The following PTPRD variants were observed in gnomAD, a reference collection of about 807,000 sequenced individuals.
PTPRD encodes protein tyrosine phosphatase receptor type D, also known as receptor-type tyrosine-protein phosphatase delta.
A neutral mutation model predicts 214.5 loss-of-function variants in PTPRD; 34 were observed. The observed-to-expected ratio is 0.16, with a 90% confidence interval of 0.12 to 0.21. The LOEUF (loss-of-function observed/expected upper bound fraction) is 0.21, where lower values mean the gene tolerates loss of function less well. Ranked by LOEUF, PTPRD falls within the 10% of genes least tolerant of loss-of-function variation. The pLI is 1.00. For missense variants in PTPRD, 2,545 were observed against 2,398.7 expected, an observed-to-expected ratio of 1.06 and a Z score of -1.27; for synonymous variants, 1,128 against 845.7, an observed-to-expected ratio of 1.33 and a Z score of -5.79.
At chr9:8,579,477 T>A (rs2092823798) in intron 14 of PTPRD, among the ~76,000 whole-genome samples, 1 of 152,198 alleles carries the variant, frequency 6.6e-6, no homozygotes, top group Non-Finnish European at 1.5e-5. Flanking sequence ...CCACGTTCAT[T>A]TGTTCACACT....
intron 39 of PTPRD, among the ~76,000 whole-genome samples, chr9:8,372,865 G>T (rs755479573): frequency 6.6e-6 from 1 of 151,840 alleles, no homozygotes; most frequent in Non-Finnish European, 1.5e-5. Context: ...CCGCCAGCCT[G>T]ACCTTTTTTG....
intron 8 of PTPRD, among the ~76,000 whole-genome samples, chr9:9,485,237 AT>A (rs1442933616): frequency 6.6e-6 from 1 of 152,192 alleles, no homozygotes; most frequent in Non-Finnish European, 1.5e-5. Flanking sequence ...TAATCCACTA[AT>A]TCTAGACTTA....
At chr9:10,477,819 T>C (rs1041551711) in intron 2 of PTPRD, among the ~76,000 whole-genome samples, 1 of 152,166 alleles carries the variant, frequency 6.6e-6, no homozygotes, top group Non-Finnish European at 1.5e-5. Flanking sequence ...GATGAGTTCA[T>C]GTCCTTTGCA....
chr9:8,743,543 G>A (rs2092381836), intron 11 of PTPRD, among the ~76,000 whole-genome samples: 1 of 152,104 alleles, frequency 6.6e-6, no homozygotes, highest in African/African-American at 2.4e-5. Flanking sequence ...AATGGCTAAG[G>A]AAAGTGGAAT....
chr9:8,321,487 G>GTGTGTATATA (rs1168847469), intron 44 of PTPRD, among the ~76,000 whole-genome samples: 103 of 44,498 alleles, frequency 2.3e-3, no homozygotes, highest in Non-Finnish European at 3.3e-3. Context: ...GTGTGTGTGT[G>GTGTGTATATA]TATATATATA....
At chr9:8,423,223 C>T (rs1164691086) in intron 35 of PTPRD, among the ~76,000 whole-genome samples, 1 of 152,156 alleles carries the variant, frequency 6.6e-6, no homozygotes, top group Non-Finnish European at 1.5e-5. Flanking sequence ...GCTTCTGCCT[C>T]GTCAATCCGG....
At chr9:8,860,552 A>G (rs1037571092) in intron 11 of PTPRD, 2 of 152,200 alleles carry the variant, frequency 1.3e-5, no homozygotes, top group African/African-American at 4.8e-5. Context: ...AAAACGGGAG[A>G]TACAGCAAAT....
At chr9:9,627,439 G>C (rs1241214327) in intron 7 of PTPRD, among the ~76,000 whole-genome samples, 1 of 152,174 alleles carries the variant, frequency 6.6e-6, no homozygotes, top group African/African-American at 2.4e-5. Flanking sequence ...GAGAGAGCTA[G>C]AGATCAATGA....
intron 2 of PTPRD, among the ~76,000 whole-genome samples, chr9:10,561,087 T>C (rs899817637): frequency 3.3e-5 from 5 of 152,164 alleles, no homozygotes; most frequent in Non-Finnish European, 5.9e-5. Flanking sequence ...TAAAATTGAC[T>C]TCAATGCAAA....
intron 3 of PTPRD, among the ~76,000 whole-genome samples, chr9:10,300,796 C>G (rs569301825): frequency 6.6e-6 from 1 of 152,212 alleles, no homozygotes; most frequent in Non-Finnish European, 1.5e-5. Flanking sequence ...CCCCATCTCC[C>G]TGAGACCGAG....
At chr9:9,625,051 C>T (rs1038367757) in intron 7 of PTPRD, among the ~76,000 whole-genome samples, 1 of 152,158 alleles carries the variant, frequency 6.6e-6, no homozygotes, top group African/African-American at 2.4e-5. Flanking sequence ...ACTCTTAAAT[C>T]CATAGTGATG....
intron 8 of PTPRD, among the ~76,000 whole-genome samples, chr9:9,464,367 A>C (rs973966908): frequency 5.3e-5 from 8 of 152,122 alleles, no homozygotes; most frequent in African/African-American, 1.9e-4. Context: ...AGTTTGATTA[A>C]TTCTCTTACT....
chr9:10,363,916 A>C (rs1007807590), intron 2 of PTPRD, among the ~76,000 whole-genome samples: 3 of 148,092 alleles, frequency 2.0e-5, no homozygotes, highest in African/African-American at 7.5e-5. Flanking sequence ...TCTAAGTATT[A>C]TAGGAATTTT....
intron 7 of PTPRD, among the ~76,000 whole-genome samples, chr9:9,717,263 A>G (rs532007899): frequency 4.7e-4 from 71 of 152,258 alleles, no homozygotes; most frequent in African/African-American, 1.6e-3. Flanking sequence ...GCCTTGTAGT[A>G]TAGTTTGAAG....
intron 6 of PTPRD, among the ~76,000 whole-genome samples, chr9:9,758,153 A>AAG (rs1248704640): frequency 6.8e-6 from 1 of 147,946 alleles, no homozygotes; most frequent in Non-Finnish European, 1.5e-5. Flanking sequence ...AATGGCAAAA[A>AAG]AAAAAAAAAA....
At chr9:9,899,970 G>A (rs1415582211) in intron 5 of PTPRD, among the ~76,000 whole-genome samples, 2 of 152,022 alleles carry the variant, frequency 1.3e-5, no homozygotes, top group African/African-American at 2.4e-5. Flanking sequence ...CCTGAAAAAA[G>A]TAGAAGTAAT....
At chr9:10,309,083 A>G (rs1366739551) in intron 3 of PTPRD, among the ~76,000 whole-genome samples, 1 of 152,028 alleles carries the variant, frequency 6.6e-6, no homozygotes, top group Non-Finnish European at 1.5e-5. Flanking sequence ...AAGAGTATAT[A>G]TGGGTACTAG....
chr9:9,580,398 T>C (rs2090367359), intron 7 of PTPRD, among the ~76,000 whole-genome samples: 1 of 152,116 alleles, frequency 6.6e-6, no homozygotes, highest in Non-Finnish European at 1.5e-5. Flanking sequence ...ATAGCCATTC[T>C]GATTGATGTA....
At chr9:9,903,813 C>T (rs375500122) in intron 5 of PTPRD, among the ~76,000 whole-genome samples, 3 of 152,188 alleles carry the variant, frequency 2.0e-5, no homozygotes, top group African/African-American at 7.2e-5. Context: ...ACATGAAGCA[C>T]CATCATGACT....
Sources: gnomAD v4.1 joint callset for allele counts (sites outside exome capture counted in the v4.1 genomes callset) on GRCh38, gnomAD v4.1.1 for gene constraint, MANE v1.5 for transcripts, NCBI Gene and HGNC (gene_info 2026-07-23, HGNC 2026-07-21) for gene names.